The following EVL variants were observed in gnomAD, a reference collection of about 807,000 sequenced individuals.
EVL encodes Enah/Vasp-like.
Under a neutral mutation model 59.6 loss-of-function variants are expected in EVL, and 21 were observed. The ratio of observed to expected loss-of-function variants is 0.35; its 90% CI spans 0.25 to 0.51. EVL has a LOEUF of 0.51. EVL is among the 20% of genes least tolerant of loss of function. The pLI is 0.97. For synonymous variants in EVL, 198 were observed against 203.5 expected (o/e 0.97, Z 0.23); for missense variants, 462 against 546.6 (o/e 0.85, Z 1.54).
At chr14:100,134,528 G>A (rs1020864360) in intron 8 of EVL, 1 of 152,108 alleles carries the variant, frequency 6.6e-6, no homozygotes, top group South Asian at 2.1e-4. Flanking sequence ...CAGGACTAGC[G>A]TCTAAAGAGA....
At chr14:100,037,629 A>G (rs2061407454) in intron 1 of EVL, among the ~76,000 whole-genome samples, 1 of 152,224 alleles carries the variant, frequency 6.6e-6, no homozygotes, top group African/African-American at 2.4e-5. Context: ...CAAATAAAAT[A>G]TAGAATATTA....
intron 3 of EVL, among the ~76,000 whole-genome samples, chr14:100,100,648 A>G (rs559541188): frequency 2.0e-5 from 3 of 152,158 alleles, no homozygotes; most frequent in Non-Finnish European, 4.4e-5. Flanking sequence ...GCTTGTTGGC[A>G]TGTGTCTGTA....
chr14:99,975,451 C>T (rs945576629), intron 1 of EVL, among the ~76,000 whole-genome samples: 4 of 152,202 alleles, frequency 2.6e-5, no homozygotes, highest in African/African-American at 7.2e-5. Flanking sequence ...CCCATTTTCT[C>T]TTACCTTTCC....
chr14:99,995,264 A>C (rs923625151), intron 1 of EVL, among the ~76,000 whole-genome samples: 7 of 152,008 alleles, frequency 4.6e-5, no homozygotes, highest in Non-Finnish European at 7.4e-5. Context: ...CATTATTTAC[A>C]TGTTATTTCA....
At chr14:100,113,592 A>G (rs1012463740) in intron 3 of EVL, among the ~76,000 whole-genome samples, 1 of 152,008 alleles carries the variant, frequency 6.6e-6, no homozygotes, top group Non-Finnish European at 1.5e-5. Context: ...GAGGGAAATC[A>G]AGGAAGGAAT....
chr14:100,117,239 G>A (rs1188778614), intron 3 of EVL, among the ~76,000 whole-genome samples: 1 of 152,222 alleles, frequency 6.6e-6, no homozygotes. Context: ...AAGGCTCTCT[G>A]TACAGCCCTG....
intron 1 of EVL, among the ~76,000 whole-genome samples, chr14:100,011,898 A>G (rs1454396439): frequency 1.3e-5 from 2 of 152,222 alleles, no homozygotes; most frequent in Non-Finnish European, 2.9e-5. Context: ...AAAATTTACG[A>G]AAGATTGGCA....
At chr14:100,061,149 C>G (rs1266612842), upstream of EVL, among the ~76,000 whole-genome samples, 1 of 151,950 alleles carries the variant, frequency 6.6e-6, no homozygotes, top group African/African-American at 2.4e-5. Flanking sequence ...CCAGCCCTTT[C>G]GGAGGCTGAG....
intron 2 of EVL, among the ~76,000 whole-genome samples, chr14:100,085,516 A>G (rs1229190844): frequency 6.6e-6 from 1 of 152,198 alleles, no homozygotes; most frequent in Non-Finnish European, 1.5e-5. Flanking sequence ...CTCTCCCTCC[A>G]ACTCTCTTCT....
upstream of EVL, among the ~76,000 whole-genome samples, chr14:100,062,105 G>A (rs1043560083): frequency 2.0e-5 from 3 of 151,554 alleles, no homozygotes; most frequent in East Asian, 1.9e-4. Flanking sequence ...ACCACTGTAC[G>A]CCGGCCTACG....
At chr14:100,075,534 A>G (rs1422225424) in intron 1 of EVL, among the ~76,000 whole-genome samples, 1 of 151,944 alleles carries the variant, frequency 6.6e-6, no homozygotes, top group Non-Finnish European at 1.5e-5. Context: ...ACCCTTCACT[A>G]CTCACCCCTT....
At chr14:100,100,389 G>A (rs1034435186) in intron 3 of EVL, among the ~76,000 whole-genome samples, 3 of 152,092 alleles carry the variant, frequency 2.0e-5, no homozygotes, top group South Asian at 2.1e-4. Context: ...GCCCACTGAC[G>A]AATAAGCTTT....
At chr14:100,053,514 A>G (rs1425140648) in intron 1 of EVL, among the ~76,000 whole-genome samples, 1 of 152,226 alleles carries the variant, frequency 6.6e-6, no homozygotes, top group African/African-American at 2.4e-5. Context: ...CTATACGTAT[A>G]CAAAAGTTGT....
Position 100,005,078 on chromosome 14 carries a change from C to T in EVL, c.5+33021C>T, listed in dbSNP as rs538373026. Reference sequence around the variant, plus strand: ...CATCATTTAAAGTTGTGAAGCTTGCCATTGCAAAATTATAACAGAGACAGT... The same window carrying T: ...CATCATTTAAAGTTGTGAAGCTTGCTATTGCAAAATTATAACAGAGACAGT... On this transcript the variant is annotated intron_variant, in intron 1 of 13. Coordinates refer to the EVL transcript ENST00000402714. Among the ~76,000 whole-genome samples, 10 of 152,276 alleles carry T rather than the reference C, an allele frequency of 6.6e-5. No individual in the cohort carries two copies. The South Asian group carries it at 2.1e-3, about 32-fold the overall frequency.
intron 3 of EVL, among the ~76,000 whole-genome samples, chr14:100,117,495 C>T (rs1887427313): frequency 6.6e-6 from 1 of 152,218 alleles, no homozygotes; most frequent in Non-Finnish European, 1.5e-5. Flanking sequence ...CTTGGTGACT[C>T]TGTGGAGGGC....
At chr14:100,064,648 C>T (rs1374210318), upstream of EVL, among the ~76,000 whole-genome samples, 3 of 152,224 alleles carry the variant, frequency 2.0e-5, no homozygotes, top group African/African-American at 7.2e-5. Context: ...CGGTGGCTCA[C>T]GCCTGTAATC....
chr14:100,065,562 A>G, intron 1 of EVL, 51 bp downstream of exon 1: 2 of 1,188,162 alleles, frequency 1.7e-6, no homozygotes, highest in Non-Finnish European at 2.3e-6. Flanking sequence ...GAGGAAACCT[A>G]GAATCTTAAC....
chr14:99,995,402 G>C (rs976399927), intron 1 of EVL, among the ~76,000 whole-genome samples: 7 of 152,036 alleles, frequency 4.6e-5, no homozygotes, highest in Admixed American at 4.6e-4. Context: ...CCTCTGCCTA[G>C]TTAAGTGCTT....
chr14:100,046,630 G>T (rs918543296), intron 1 of EVL, among the ~76,000 whole-genome samples: 2 of 150,760 alleles, frequency 1.3e-5, no homozygotes, highest in Non-Finnish European at 2.9e-5. Flanking sequence ...TGATGCCAGC[G>T]CACTCCAGCC....
Sources: allele counts gnomAD v4.1 joint callset (sites outside exome capture counted in the v4.1 genomes callset), GRCh38; gene constraint gnomAD v4.1.1; transcripts MANE v1.5; gene names NCBI Gene and HGNC (gene_info 2026-07-23, HGNC 2026-07-21).